Variants in CEP164 observed in about 807,000 individuals in gnomAD.
CEP164 encodes centrosomal protein 164.
Under a neutral mutation model 182.7 loss-of-function variants are expected in CEP164, and 162 were observed. That is an observed-to-expected ratio of 0.89 (90% confidence interval 0.78 to 1.01). CEP164 has a LOEUF of 1.01. Ranked by LOEUF, CEP164 falls within the 50% of genes least tolerant of loss-of-function variation. CEP164 has a pLI of 0.00. For synonymous variants in CEP164, 661 were observed against 690.0 expected (o/e 0.96, Z 0.66); for missense variants, 1,735 against 1,790.4 (o/e 0.97, Z 0.56).
intron 11 of CEP164, among the ~76,000 whole-genome samples, chr11:117,377,718 C>A (rs918862780): frequency 6.6e-6 from 1 of 152,178 alleles, no homozygotes; most frequent in African/African-American, 2.4e-5. Context: ...ATTTGCAATG[C>A]AGCTTTATTG....
intron 9 of CEP164, among the ~76,000 whole-genome samples, chr11:117,371,868 C>T (rs1458736578): frequency 6.7e-6 from 1 of 148,184 alleles, no homozygotes; most frequent in East Asian, 2.0e-4. Flanking sequence ...AGTGGCGTGA[C>T]CTTGGCTCAC....
At position 117,394,521 on chromosome 11, in the gene CEP164, A is replaced by C; in HGVS notation, c.2760+28A>C. 6.2e-7 allele frequency: 1 copy of C among 1,611,292 alleles called. No homozygotes were observed. The highest frequency in any genetic ancestry group is 8.5e-7 in the Non-Finnish European group (1 of 1,179,290). The stretch of plus-strand genomic sequence containing the variant: ...GAGGGGCCTGGGGCAGGGTGAGCCC[A>C]CTGTGACCCCTCCATGCACAGTAGG... On this transcript the variant is annotated intron_variant, in intron 21 of 32. Coordinates refer to ENST00000278935, the MANE Select transcript of CEP164 (RefSeq NM_014956.5). The surrounding 1 kb of genome is among the most constrained non-coding windows in gnomAD (Gnocchi z 4.0).
At chr11:117,410,456 TAAC>T (rs1473461189) in intron 30 of CEP164, 18 of 268,042 alleles carry the variant, frequency 6.7e-5, no homozygotes, top group Admixed American at 3.5e-4. Context: ...AGTGAGTGAG[TAAC>T]AAACTCAGTT....
intron 4 of CEP164, among the ~76,000 whole-genome samples, chr11:117,347,486 G>A (rs531270540): frequency 2.0e-5 from 3 of 152,090 alleles, no homozygotes; most frequent in East Asian, 3.9e-4. Flanking sequence ...CGAGGTGGGC[G>A]GATCACTTGA....
At chr11:117,358,806 G>GT (rs1205848982) in intron 5 of CEP164, among the ~76,000 whole-genome samples, 2 of 152,024 alleles carry the variant, frequency 1.3e-5, no homozygotes, top group Non-Finnish European at 2.9e-5. Context: ...AAGTACTGGG[G>GT]TTATAGGTGT....
At position 117,382,782 on chromosome 11, in the gene CEP164, T is replaced by A; in HGVS notation, c.1578-14T>A. On this transcript the variant is annotated splice_polypyrimidine_tract_variant and intron_variant, in intron 13 of 32. Transcript: ENST00000278935. ...TACTGGCTTTAACACAGTTGTTTCC[T>A]TACTGCTATCAAGGGAGCAGGCCCC... The A allele has an allele frequency of 6.2e-7, 1 of 1,613,264 alleles. No homozygotes were observed. Among genetic ancestry groups the A allele is most frequent in the Non-Finnish European group, 8.5e-7 (1 of 1,179,604 alleles).
intron 12 of CEP164, among the ~76,000 whole-genome samples, chr11:117,381,373 C>G (rs2043297258): frequency 6.6e-6 from 1 of 152,194 alleles, no homozygotes. Flanking sequence ...TTCCACCCCT[C>G]CCTGGCCCCA....
intron 27 of CEP164, among the ~76,000 whole-genome samples, chr11:117,402,437 T>C (rs374805395): frequency 2.9e-3 from 444 of 152,188 alleles, no homozygotes; most frequent in African/African-American, 0.01. Flanking sequence ...TTCAGGCTGG[T>C]CTCGAGCTCC....
chr11:117,323,026 G>A (rs1018181952), upstream of CEP164, among the ~76,000 whole-genome samples: 1 of 151,714 alleles, frequency 6.6e-6, no homozygotes, highest in Non-Finnish European at 1.5e-5. Flanking sequence ...TCAGCCTCCC[G>A]AAGTGCTAGG....
chr11:117,348,700 C>T (rs964245734), intron 4 of CEP164, among the ~76,000 whole-genome samples: 2 of 152,144 alleles, frequency 1.3e-5, no homozygotes, highest in African/African-American at 4.8e-5. Context: ...GCATTAAGTA[C>T]ATTCACAATG....
At chr11:117,353,026 C>A (rs1423490083) in intron 5 of CEP164, among the ~76,000 whole-genome samples, 2 of 152,126 alleles carry the variant, frequency 1.3e-5, no homozygotes, top group Non-Finnish European at 2.9e-5. Flanking sequence ...CAACTAAGAC[C>A]TGGAGCCATA....
At chr11:117,385,771 AG>A (rs1387138172) in intron 14 of CEP164, 1 of 152,366 alleles carries the variant, frequency 6.6e-6, no homozygotes, top group African/African-American at 2.4e-5. Flanking sequence ...AGGCTTTGGA[AG>A]GAAGGAGAAG....
chr11:117,395,914 G>T, intron 24 of CEP164, 140 bp from the exon 25 acceptor site: 1 of 1,270,500 alleles, frequency 7.9e-7, no homozygotes, highest in Non-Finnish European at 1.1e-6. Context: ...GGGATCTCTG[G>T]TGCTATTGTT....
chr11:117,347,540 G>T (rs1565442138), intron 4 of CEP164, among the ~76,000 whole-genome samples: 1 of 152,014 alleles, frequency 6.6e-6, no homozygotes, highest in African/African-American at 2.4e-5. Context: ...GAGAAACCCT[G>T]TCTCTACTAA....
chr11:117,358,677 T>G (rs936642589), intron 5 of CEP164, among the ~76,000 whole-genome samples: 4 of 152,008 alleles, frequency 2.6e-5, no homozygotes, highest in African/African-American at 9.7e-5. Context: ...ACTACAGATG[T>G]GTACCACTAT....
At position 117,412,233 on chromosome 11, in the gene CEP164, T is replaced by G; in HGVS notation, c.*65T>G. ...CACCCAGACCAAGTGCCTGAGGAGC[T>G]GCCTGCCTTCTTCCATCTGAGAAAG... is the stretch of plus-strand genomic sequence containing the variant. On this transcript the variant is annotated 3_prime_UTR_variant, in exon 33 of 33. Coordinates refer to ENST00000278935, the MANE Select transcript of CEP164 (RefSeq NM_014956.5). The G allele has an allele frequency of 2.1e-6, 3 of 1,435,430 alleles. No homozygotes were observed. Among genetic ancestry groups the G allele is most frequent in the Non-Finnish European group, 2.9e-6 (3 of 1,042,424 alleles). The allele number at this position is 1,435,430 out of a possible 1,614,324, so 88.9% of individuals were successfully genotyped here.
In CEP164 at chr11:117,392,501, C is replaced by T. The variant is rs747171653; in HGVS notation, c.2367C>T (p.Val789=). The T allele has an allele frequency of 1.2e-6, 2 of 1,613,598 alleles. No homozygotes were observed. Among genetic ancestry groups the T allele is most frequent in the Non-Finnish European group, 1.7e-6 (2 of 1,179,770 alleles). Residue 789 remains valine, a synonymous_variant, in exon 19 of 33, where the codon GTC becomes GTT. Coordinates refer to ENST00000278935, the MANE Select transcript of CEP164 (RefSeq NM_014956.5). The part of the protein sequence containing the change: ...SSLEAKHREV[V]SSLQKKIQEA... ...GTGTGCGGGGGCCTCCTCAGGTGGTCTCCAGCCTCCAGAAGAAGATACAGG... is the reference window on the plus strand; with the variant it reads ...GTGTGCGGGGGCCTCCTCAGGTGGTTTCCAGCCTCCAGAAGAAGATACAGG...
chr11:117,367,163 G>C (rs2041728759), intron 8 of CEP164, among the ~76,000 whole-genome samples: 1 of 152,220 alleles, frequency 6.6e-6, no homozygotes, highest in Admixed American at 6.5e-5. Context: ...CCTTGGGCCA[G>C]GAGACAAGGG....
In CEP164 at chr11:117,363,521, C is replaced by A. The variant is rs373403803; in HGVS notation, c.765+15C>A. 6.3e-7 allele frequency: 1 copy of A among 1,586,522 alleles called. No homozygotes were observed. The highest frequency in any genetic ancestry group is 8.7e-7 in the Non-Finnish European group (1 of 1,155,104). On this transcript the variant is annotated intron_variant, in intron 8 of 32. Transcript: ENST00000278935. Reference sequence around the variant, plus strand: ...TTGAGTATGAGGTAAGAGCCCTAATCCCTACAGGCACATGTGTCAGCCTGG... The same window carrying A: ...TTGAGTATGAGGTAAGAGCCCTAATACCTACAGGCACATGTGTCAGCCTGG...
Sources: allele counts gnomAD v4.1 joint callset (sites outside exome capture counted in the v4.1 genomes callset), GRCh38; gene constraint gnomAD v4.1.1; non-coding constraint Gnocchi (gnomAD v3.1); transcripts MANE v1.5; gene names NCBI Gene and HGNC (gene_info 2026-07-23, HGNC 2026-07-21).